LRFN5: variants seen among roughly 807,000 people sequenced by gnomAD.
The protein encoded by LRFN5 is leucine-rich repeat and fibronectin type-III domain-containing protein 5.
A neutral mutation model predicts 45.6 loss-of-function variants in LRFN5; 24 were observed. That is an observed-to-expected ratio of 0.53 (90% CI 0.38 to 0.74). The LOEUF (loss-of-function observed/expected upper bound fraction) is 0.74, where lower values mean the gene tolerates loss of function less well. LRFN5 is among the 30% of genes least tolerant of loss of function. The probability of loss-of-function intolerance (pLI) is 0.00; values close to 1 mark genes in which losing one functional copy is unlikely to be tolerated. For missense variants in LRFN5, 776 were observed against 861.5 expected (o/e 0.90, Z 1.24); for synonymous variants, 340 against 313.8 (o/e 1.08, Z -0.88).
intron 1 of LRFN5, among the ~76,000 whole-genome samples, chr14:41,758,748 T>C (rs766411641): frequency 1.3e-5 from 2 of 152,226 alleles, no homozygotes; most frequent in Non-Finnish European, 2.9e-5. Flanking sequence ...AATCTGACCT[T>C]ATGGAAAATT....
chr14:41,872,285 A>G (rs181340078), intron 2 of LRFN5, among the ~76,000 whole-genome samples: 1 of 152,298 alleles, frequency 6.6e-6, no homozygotes, highest in African/African-American at 2.4e-5. Flanking sequence ...GTTACTTTTA[A>G]CTTTTTGAAA....
chr14:41,800,131 G>A (rs1420291061), intron 2 of LRFN5, among the ~76,000 whole-genome samples: 1 of 151,950 alleles, frequency 6.6e-6, no homozygotes, highest in Admixed American at 6.6e-5. Context: ...ACACCTTACT[G>A]ATGTACCATG....
At chr14:41,654,202 A>AT (rs1213035894) in intron 1 of LRFN5, among the ~76,000 whole-genome samples, 1 of 152,068 alleles carries the variant, frequency 6.6e-6, no homozygotes, top group Non-Finnish European at 1.5e-5. Context: ...TATAATAATA[A>AT]TAAAAAAAAA....
At chr14:41,876,341 T>A (rs1159438647) in intron 2 of LRFN5, among the ~76,000 whole-genome samples, 1 of 138,948 alleles carries the variant, frequency 7.2e-6, no homozygotes, top group African/African-American at 2.7e-5. Context: ...AGTGCAGTGG[T>A]GCCATCTCAG....
intron 1 of LRFN5, among the ~76,000 whole-genome samples, chr14:41,740,327 A>G (rs879568689): frequency 3.9e-5 from 6 of 152,184 alleles, no homozygotes; most frequent in Admixed American, 2.0e-4. Context: ...GAAGCACATA[A>G]AATATTTATT....
At chr14:41,632,593 T>G (rs1258073556) in intron 1 of LRFN5, among the ~76,000 whole-genome samples, 4 of 152,136 alleles carry the variant, frequency 2.6e-5, no homozygotes, top group Admixed American at 6.6e-5. Flanking sequence ...ATAAGAGAGA[T>G]ATTTTGTCTC....
At chr14:41,616,224 G>T (rs1362677721) in intron 1 of LRFN5, among the ~76,000 whole-genome samples, 1 of 152,026 alleles carries the variant, frequency 6.6e-6, no homozygotes, top group African/African-American at 2.4e-5. Flanking sequence ...AAGGTGACTG[G>T]CTGGCTGCAT....
intron 1 of LRFN5, among the ~76,000 whole-genome samples, chr14:41,640,945 A>T (rs1879546238): frequency 6.6e-6 from 1 of 152,106 alleles, no homozygotes; most frequent in Admixed American, 6.6e-5. Flanking sequence ...ACAGGACATT[A>T]CCTTAACAAC....
intron 1 of LRFN5, among the ~76,000 whole-genome samples, chr14:41,682,495 A>G (rs951106303): frequency 2.0e-5 from 3 of 152,106 alleles, no homozygotes; most frequent in Non-Finnish European, 2.9e-5. Context: ...AAATAAATGA[A>G]ATTGAAATGA....
intron 1 of LRFN5, among the ~76,000 whole-genome samples, chr14:41,748,071 G>A (rs779467389): frequency 2.6e-5 from 4 of 151,968 alleles, no homozygotes; most frequent in African/African-American, 4.8e-5. Context: ...ATGTGTTGGT[G>A]GGAATGTAAA....
intron 1 of LRFN5, among the ~76,000 whole-genome samples, chr14:41,611,460 C>A (rs1403558183): frequency 6.6e-6 from 1 of 152,166 alleles, no homozygotes; most frequent in African/African-American, 2.4e-5. Context: ...GTTAACACTT[C>A]AGGTATTGAT....
rs71105409 is a variant in LRFN5 at position 41,882,846 on chromosome 14, C to CTTTT, written c.-20-3743_-20-3740dup. Among the ~76,000 whole-genome samples the CTTTT allele has an allele frequency of 2.2e-3, 239 of 107,256 alleles. 3 individuals are homozygous for CTTTT. Among genetic ancestry groups the CTTTT allele is most frequent in the Non-Finnish European group, 3.4e-3 (191 of 55,454 alleles). 70.4% of individuals were successfully genotyped at this position (107,256 alleles called of 152,430 possible). ...GTAGAGCAACAGCTATGTATTTCCT[C>CTTTT]TTTTTTTTTTTTTTTTTTTTGAGAT... is the stretch of plus-strand genomic sequence containing the variant. On this transcript the variant is annotated intron_variant, in intron 2 of 5. Transcript: ENST00000298119.
intron 1 of LRFN5, among the ~76,000 whole-genome samples, chr14:41,619,739 A>C (rs1888052727): frequency 6.6e-6 from 1 of 152,018 alleles, no homozygotes. Context: ...ACATATACAC[A>C]TACACACTGC....
At chr14:41,749,739 A>G (rs1885054234) in intron 1 of LRFN5, among the ~76,000 whole-genome samples, 1 of 152,104 alleles carries the variant, frequency 6.6e-6, no homozygotes, top group African/African-American at 2.4e-5. Context: ...ATGAAATAAT[A>G]TGTACCGCAG....
At chr14:41,688,072 C>CTTTACATGT (rs1882201326) in intron 1 of LRFN5, among the ~76,000 whole-genome samples, 2 of 152,114 alleles carry the variant, frequency 1.3e-5, no homozygotes, top group African/African-American at 4.8e-5. Context: ...CACAAAAAGA[C>CTTTACATGT]AAACTTTACA....
At chr14:41,755,992 C>G (rs1324389183) in intron 1 of LRFN5, among the ~76,000 whole-genome samples, 1 of 152,184 alleles carries the variant, frequency 6.6e-6, no homozygotes, top group Admixed American at 6.5e-5. Flanking sequence ...ATTTGCTTGT[C>G]TGTAAAGTAT....
chr14:41,646,629 C>T (rs1879830158), intron 1 of LRFN5, among the ~76,000 whole-genome samples: 1 of 152,168 alleles, frequency 6.6e-6, no homozygotes, highest in Non-Finnish European at 1.5e-5. Context: ...AAGCTCGCAA[C>T]ATCATTTTAC....
chr14:41,710,645 G>T lies in LRFN5; in HGVS notation c.-196-56209G>T, dbSNP rs567286718. ...TTAAATTTTTTAAATTATACTTCAA[G>T]TTCTAGGGTACATGTGCACAACATG... On this transcript the variant is annotated intron_variant, in intron 1 of 5. Coordinates refer to ENST00000298119, the MANE Select transcript of LRFN5 (RefSeq NM_152447.5). Among the ~76,000 whole-genome samples, 4 of 152,000 alleles carry T rather than the reference G, an allele frequency of 2.6e-5. No homozygotes were observed. The East Asian group carries it at 7.7e-4, about 29-fold the overall frequency.
intron 2 of LRFN5, among the ~76,000 whole-genome samples, 170 bp downstream of exon 2, chr14:41,767,199 C>G (rs1185307874): frequency 1.3e-5 from 2 of 151,476 alleles, no homozygotes; most frequent in East Asian, 3.9e-4. Context: ...TTTGGAGATT[C>G]AATGTCTACC....
Sources: gnomAD v4.1 joint callset for allele counts (sites outside exome capture counted in the v4.1 genomes callset) on GRCh38, gnomAD v4.1.1 for gene constraint, MANE v1.5 for transcripts, NCBI Gene and HGNC (gene_info 2026-07-23, HGNC 2026-07-21) for gene names.